VPS13B: variants seen among roughly 807,000 people sequenced by gnomAD.
VPS13B encodes vacuolar protein sorting 13 homolog B.
In VPS13B, 285 loss-of-function variants were observed where a neutral mutation model predicts 426.4. The observed-to-expected ratio is 0.67, with a 90% CI of 0.61 to 0.74. The LOEUF (loss-of-function observed/expected upper bound fraction) is 0.74. Ranked by LOEUF, VPS13B falls within the 30% of genes least tolerant of loss-of-function variation. VPS13B has a pLI of 0.00. For synonymous variants in VPS13B, 1,676 were observed against 1,676.4 expected (o/e 1.00, Z 0.01); for missense variants, 4,537 against 4,782.6 (o/e 0.95, Z 1.51).
At chr8:99,473,476 T>A (rs1474738773) in intron 24 of VPS13B, among the ~76,000 whole-genome samples, 2 of 152,154 alleles carry the variant, frequency 1.3e-5, no homozygotes, top group East Asian at 3.9e-4. Flanking sequence ...GCATTCATGA[T>A]GAAAAGTCTC....
At chr8:99,868,789 T>C (rs1588807091) in intron 59 of VPS13B, among the ~76,000 whole-genome samples, 1 of 152,176 alleles carries the variant, frequency 6.6e-6, no homozygotes, top group African/African-American at 2.4e-5. Flanking sequence ...TTTCCTATGA[T>C]AAATGTGGAA....
intron 57 of VPS13B, among the ~76,000 whole-genome samples, chr8:99,860,660 A>G (rs1816789860): frequency 1.3e-5 from 2 of 152,202 alleles, no homozygotes; most frequent in African/African-American, 4.8e-5. Context: ...TGCAAAAACG[A>G]CATTGAGCAT....
intron 39 of VPS13B, among the ~76,000 whole-genome samples, chr8:99,722,422 G>A (rs891280851): frequency 1.3e-5 from 2 of 152,014 alleles, no homozygotes; most frequent in Admixed American, 6.5e-5. Context: ...AATGTTTGAA[G>A]TGACTGCTCT....
At chr8:99,508,473 G>A (rs1821620360) in intron 28 of VPS13B, among the ~76,000 whole-genome samples, 2 of 152,044 alleles carry the variant, frequency 1.3e-5, no homozygotes, top group South Asian at 4.1e-4. Context: ...TATTCTTAAA[G>A]TTAACTTTGT....
intron 23 of VPS13B, among the ~76,000 whole-genome samples, chr8:99,464,158 C>T (rs893512945): frequency 6.6e-6 from 1 of 152,082 alleles, no homozygotes; most frequent in Non-Finnish European, 1.5e-5. Flanking sequence ...GAAATACAGA[C>T]CTGCCTGAGT....
intron 31 of VPS13B, among the ~76,000 whole-genome samples, chr8:99,560,703 A>T (rs1304096375): frequency 6.6e-6 from 1 of 152,178 alleles, no homozygotes. Context: ...GGAAGTGAAT[A>T]TTTTCATCAT....
intron 39 of VPS13B, among the ~76,000 whole-genome samples, chr8:99,756,478 A>G (rs764665966): frequency 2.0e-5 from 3 of 152,206 alleles, no homozygotes; most frequent in Non-Finnish European, 4.4e-5. Context: ...TTGATGACAA[A>G]CATTTATCTA....
chr8:99,313,043 A>G (rs1821100716), intron 19 of VPS13B, among the ~76,000 whole-genome samples: 1 of 152,136 alleles, frequency 6.6e-6, no homozygotes, highest in Non-Finnish European at 1.5e-5. Context: ...ACTTCTCTGC[A>G]TTGGTTATTC....
intron 39 of VPS13B, among the ~76,000 whole-genome samples, chr8:99,725,563 G>C (rs1833312082): frequency 6.6e-6 from 1 of 152,128 alleles, no homozygotes; most frequent in African/African-American, 2.4e-5. Flanking sequence ...TATGAAACCG[G>C]TCCCTGGTGC....
At chr8:99,361,821 A>T (rs1343160495) in intron 19 of VPS13B, among the ~76,000 whole-genome samples, 3 of 152,222 alleles carry the variant, frequency 2.0e-5, no homozygotes, top group Non-Finnish European at 4.4e-5. Flanking sequence ...GATGATTATG[A>T]TAATAATGAT....
intron 3 of VPS13B, among the ~76,000 whole-genome samples, chr8:99,073,415 G>T (rs923655497): frequency 2.6e-5 from 4 of 151,932 alleles, no homozygotes; most frequent in African/African-American, 9.7e-5. Flanking sequence ...TGAGTGTTTC[G>T]TAGTTTTTAT....
At chr8:99,839,400 C>A (rs1588769021) in intron 54 of VPS13B, among the ~76,000 whole-genome samples, 1 of 152,170 alleles carries the variant, frequency 6.6e-6, no homozygotes, top group Non-Finnish European at 1.5e-5. Context: ...AGGTGCCAAA[C>A]CCTTTGCCCT....
intron 16 of VPS13B, among the ~76,000 whole-genome samples, chr8:99,188,141 G>A (rs1482068964): frequency 6.9e-6 from 1 of 144,704 alleles, no homozygotes; most frequent in African/African-American, 2.6e-5. Context: ...TAGGGACCTA[G>A]TTTGTTTTCA....
At chr8:99,565,688 A>C (rs1282254498) in intron 31 of VPS13B, among the ~76,000 whole-genome samples, 6 of 152,120 alleles carry the variant, frequency 3.9e-5, no homozygotes, top group Non-Finnish European at 8.8e-5. Flanking sequence ...ATCAAACATG[A>C]GATTTTTTCC....
intron 19 of VPS13B, among the ~76,000 whole-genome samples, chr8:99,316,036 A>C (rs755823777): frequency 2.0e-5 from 3 of 152,118 alleles, no homozygotes; most frequent in Non-Finnish European, 2.9e-5. Flanking sequence ...TTCTGGGTGC[A>C]TTATATGGTG....
At chr8:99,082,196 A>G (rs1845517164) in intron 3 of VPS13B, among the ~76,000 whole-genome samples, 1 of 152,090 alleles carries the variant, frequency 6.6e-6, no homozygotes, top group Non-Finnish European at 1.5e-5. Flanking sequence ...TTTGATTTGC[A>G]TTTCTCTGAT....
chr8:99,809,531 G>A lies in VPS13B; in HGVS notation c.8097+1G>A, dbSNP rs1813590716. On this transcript the variant is annotated splice_donor_variant, in intron 44 of 61. Coordinates refer to ENST00000357162, the MANE Select transcript of VPS13B (RefSeq NM_152564.5). LOFTEE classifies it high-confidence loss of function. ...GCAACTCAATGGAGTACAAAAACAG[G>A]TAAGTTTCTTTGTGTTCATGACCCA... The A allele has an allele frequency of 1.2e-6, 2 of 1,613,800 alleles. No individual in the cohort carries two copies. The highest frequency in any genetic ancestry group is 1.7e-5 in the Admixed American group (1 of 59,986).
chr8:99,708,829 GTCTCTCTC>G (rs147100515), intron 36 of VPS13B, among the ~76,000 whole-genome samples: 4 of 149,570 alleles, frequency 2.7e-5, no homozygotes, highest in African/African-American at 7.4e-5. Context: ...CTCTCTCTCT[GTCTCTCTC>G]TCTCTCTCTC....
chr8:99,323,385 C>T (rs1810083258), intron 19 of VPS13B, among the ~76,000 whole-genome samples: 1 of 152,152 alleles, frequency 6.6e-6, no homozygotes, highest in South Asian at 2.1e-4. Flanking sequence ...TTTCCAGATA[C>T]TATGGTTGAT....
Sources: allele counts gnomAD v4.1 joint callset (sites outside exome capture counted in the v4.1 genomes callset), GRCh38; gene constraint gnomAD v4.1.1; transcripts MANE v1.5; gene names NCBI Gene and HGNC (gene_info 2026-07-23, HGNC 2026-07-21).